Variants in NXN observed in about 807,000 individuals in gnomAD.
NXN encodes nucleoredoxin 1.
Under a neutral mutation model 48.6 loss-of-function variants are expected in NXN, and 16 were observed. That is an observed-to-expected ratio of 0.33 (90% CI 0.22 to 0.50). NXN has a LOEUF of 0.50. Among genes scored for constraint, NXN ranks in the 20% least tolerant of loss-of-function variants. NXN has a pLI of 0.98. For synonymous variants in NXN, 281 were observed against 269.6 expected (o/e 1.04, Z -0.41); for missense variants, 492 against 605.5 (o/e 0.81, Z 1.97).
rs147993990 is a variant in NXN, at chr17:956,887, C to CT, written c.360+22431dup. Reference sequence around the variant, plus strand: ...AGAACCAGGTCATCCAGGAGAGAGGCTGGCCCCTCCGTTCTCAGAGCTCCT... The same window carrying CT: ...AGAACCAGGTCATCCAGGAGAGAGGCTTGGCCCCTCCGTTCTCAGAGCTCCT... On this transcript the variant is annotated intron_variant, in intron 1 of 7. Transcript: ENST00000336868. The surrounding 1 kb of genome is among the most constrained non-coding windows in gnomAD (Gnocchi z 4.1). 3.1e-3 allele frequency among the ~76,000 whole-genome samples: 465 copies of CT among 152,326 alleles called. 5 individuals are homozygous for CT. The highest frequency in any genetic ancestry group is 0.011 in the African/African-American group (457 of 41,572).
chr17:940,321 T>G (rs8080357), intron 1 of NXN, among the ~76,000 whole-genome samples: 1 of 151,904 alleles, frequency 6.6e-6, no homozygotes, highest in African/African-American at 2.4e-5. Flanking sequence ...CTCAAACTCC[T>G]GGGCTCAAGC....
intron 5 of NXN, among the ~76,000 whole-genome samples, chr17:810,275 G>A (rs113426596): frequency 2.3e-5 from 3 of 133,218 alleles, no homozygotes; most frequent in South Asian, 2.5e-4. Context: ...CACGTTACGA[G>A]TCTGTGAGTG....
intron 5 of NXN, among the ~76,000 whole-genome samples, chr17:816,185 A>C (rs1912461553): frequency 6.6e-6 from 1 of 152,116 alleles, no homozygotes; most frequent in South Asian, 2.1e-4. Flanking sequence ...ACCCCTTCCC[A>C]CTGTCCAGTT....
chr17:809,299 C>T (rs1229174265), intron 5 of NXN, among the ~76,000 whole-genome samples: 4 of 152,232 alleles, frequency 2.6e-5, no homozygotes, highest in African/African-American at 9.6e-5. Context: ...GTGGCGCCTA[C>T]AGACCCCTTT....
intron 1 of NXN, among the ~76,000 whole-genome samples, chr17:882,368 T>C (rs1378938166): frequency 6.6e-6 from 1 of 152,128 alleles, no homozygotes; most frequent in Non-Finnish European, 1.5e-5. Flanking sequence ...CTCTTCCTCA[T>C]TTCTGCTCAG....
rs530777543 is a variant in NXN, at chr17:800,295, C to T, written c.*654G>A. 1 of 152,306 alleles carries T rather than the reference C, an allele frequency of 6.6e-6. No homozygotes were observed. Among genetic ancestry groups the T allele is most frequent in the East Asian group, 1.9e-4 (1 of 5,178 alleles). 9.4% of individuals were successfully genotyped at this position (152,306 alleles called of 1,614,324 possible). On this transcript the variant is annotated 3_prime_UTR_variant, in exon 8 of 8. Transcript: ENST00000336868. The stretch of plus-strand genomic sequence containing the variant: ...GGGAAGATGTCCAAAGAGAAGGATT[C>T]GTTAACAGAATTTCAGGATCGTGGG...
chr17:964,824 G>A (rs1237905628), intron 1 of NXN, among the ~76,000 whole-genome samples: 1 of 152,238 alleles, frequency 6.6e-6, no homozygotes, highest in African/African-American at 2.4e-5. Context: ...GGGCTGCTTT[G>A]CAGCTAGTGA....
intron 1 of NXN, among the ~76,000 whole-genome samples, chr17:976,680 A>G (rs2069462731): frequency 6.6e-6 from 1 of 152,194 alleles, no homozygotes; most frequent in African/African-American, 2.4e-5. Context: ...CGGGCTTCTA[A>G]GCACCCTAAC....
chr17:897,077 G>T, intron 1 of NXN: 1 of 1,059,162 alleles, frequency 9.4e-7, no homozygotes, highest in Non-Finnish European at 1.1e-6. Flanking sequence ...TGACAGCCAG[G>T]GACTGGTAAC....
intron 5 of NXN, among the ~76,000 whole-genome samples, chr17:811,206 G>A (rs1164945056): frequency 4.6e-5 from 7 of 152,170 alleles, no homozygotes; most frequent in Admixed American, 3.9e-4. Context: ...CCCTCACCCC[G>A]GCCGCCCGGC....
At chr17:895,583 T>C (rs12948191) in intron 1 of NXN, among the ~76,000 whole-genome samples, 106,917 of 149,358 alleles carry the variant, frequency 0.72, 40,978 homozygotes, top group Middle Eastern at 0.91. Flanking sequence ...GAGGTCGAGG[T>C]GGGCGGATCA....
Position 822,452 on chromosome 17 carries a change from C to T in NXN, c.618G>A (p.Pro206=), listed in dbSNP as rs186217624. The T allele has an allele frequency of 8.3e-5, 134 of 1,613,308 alleles. 1 individual carries two copies. In the Admixed American group the frequency reaches 1.3e-3, roughly 15 times the overall value. Residue 206 remains proline, a synonymous_variant, in exon 4 of 8, where the codon CCG becomes CCA. Transcript: ENST00000336868. ...GGACCCGGGTGAGGCTTCGGCAGGG[C>T]GGACACTGAAAGACAGGACAGCAAG... is the stretch of plus-strand genomic sequence containing the variant. The part of the protein sequence containing the change: ...VGVYFSAHWC[P]PCRSLTRVLV...
chr17:843,628 C>T (rs1027825954), intron 1 of NXN, among the ~76,000 whole-genome samples: 3 of 152,158 alleles, frequency 2.0e-5, no homozygotes, highest in South Asian at 2.1e-4. Context: ...GAGCCAGCGT[C>T]GATCTGGAGT....
intron 1 of NXN, among the ~76,000 whole-genome samples, chr17:834,793 T>C (rs755071872): frequency 1.3e-5 from 2 of 151,872 alleles, no homozygotes; most frequent in Non-Finnish European, 2.9e-5. Flanking sequence ...AGTGCTGGGA[T>C]TACATGTGTG....
chr17:847,932 GAACA>G (rs2067882305), intron 1 of NXN, among the ~76,000 whole-genome samples: 1 of 152,166 alleles, frequency 6.6e-6, no homozygotes, highest in South Asian at 2.1e-4. Flanking sequence ...AGTAAATACA[GAACA>G]AAGTATCACG....
intron 1 of NXN, among the ~76,000 whole-genome samples, chr17:850,360 G>T (rs1044101174): frequency 3.9e-5 from 6 of 152,158 alleles, no homozygotes; most frequent in African/African-American, 1.2e-4. Flanking sequence ...GAGCTTCCCG[G>T]ACCTCCTGCT....
intron 1 of NXN, among the ~76,000 whole-genome samples, chr17:840,449 C>G (rs1316472095): frequency 1.3e-5 from 2 of 152,220 alleles, no homozygotes; most frequent in East Asian, 3.9e-4. Flanking sequence ...ACACCATTCT[C>G]CTGCCTCAGC....
chr17:974,262 C>A (rs898359250), intron 1 of NXN, among the ~76,000 whole-genome samples: 2 of 151,664 alleles, frequency 1.3e-5, no homozygotes, highest in East Asian at 2.0e-4. Context: ...GAGGCAGGAG[C>A]ATGGCGTGAA....
At chr17:875,462 C>CAT (rs1270337019) in intron 1 of NXN, among the ~76,000 whole-genome samples, 1 of 152,184 alleles carries the variant, frequency 6.6e-6, no homozygotes, top group African/African-American at 2.4e-5. Context: ...ATCACTGAAT[C>CAT]ATAAATCAGA....
Sources: allele counts gnomAD v4.1 joint callset (sites outside exome capture counted in the v4.1 genomes callset), GRCh38; gene constraint gnomAD v4.1.1; non-coding constraint Gnocchi (gnomAD v3.1); transcripts MANE v1.5; gene names NCBI Gene and HGNC (gene_info 2026-07-23, HGNC 2026-07-21).